Variants in AKAP6 observed in about 807,000 individuals in gnomAD.
AKAP6 encodes the protein A-kinase anchoring protein 6.
Under a neutral mutation model 188.5 loss-of-function variants are expected in AKAP6, and 58 were observed. The ratio of observed to expected loss-of-function variants is 0.31; its 90% confidence interval spans 0.25 to 0.38. The LOEUF is 0.38. AKAP6 is among the 10% of genes least tolerant of loss of function. AKAP6 has a pLI of 1.00. For synonymous variants in AKAP6, 989 were observed against 998.6 expected, an observed-to-expected ratio of 0.99 and a Z score of 0.18; for missense variants, 2,710 against 2,740.0, an observed-to-expected ratio of 0.99 and a Z score of 0.24.
chr14:32,678,780 C>T (rs1475123550), intron 8 of AKAP6, among the ~76,000 whole-genome samples: 1 of 152,086 alleles, frequency 6.6e-6, no homozygotes, highest in Non-Finnish European at 1.5e-5. Context: ...TGTATTTGCT[C>T]TTTTTTAGGT....
chr14:32,533,860 C>T (rs1882547942), intron 2 of AKAP6, among the ~76,000 whole-genome samples: 1 of 152,064 alleles, frequency 6.6e-6, no homozygotes, highest in Non-Finnish European at 1.5e-5. Flanking sequence ...AGATTTTTTG[C>T]CCTAAATTTC....
chr14:32,342,208 T>G (rs1886911908), intron 1 of AKAP6, among the ~76,000 whole-genome samples: 1 of 152,234 alleles, frequency 6.6e-6, no homozygotes, highest in Admixed American at 6.5e-5. Context: ...TTCAGACTTG[T>G]ATTTCTCCTG....
intron 8 of AKAP6, 90 bp downstream of exon 8, chr14:32,678,549 T>C: frequency 1.4e-6 from 2 of 1,464,380 alleles, no homozygotes; most frequent in South Asian, 2.5e-5. Flanking sequence ...GTATTTCCTC[T>C]TTAGCAAACC....
intron 1 of AKAP6, among the ~76,000 whole-genome samples, chr14:32,336,911 T>C (rs1443644486): frequency 6.6e-6 from 1 of 152,222 alleles, no homozygotes; most frequent in Admixed American, 6.5e-5. Flanking sequence ...TTATTCCTAT[T>C]ACATTAGCAT....
intron 1 of AKAP6, among the ~76,000 whole-genome samples, chr14:32,415,451 A>T (rs931758969): frequency 3.9e-5 from 6 of 152,204 alleles, no homozygotes; most frequent in African/African-American, 1.4e-4. Context: ...TTATCTATCC[A>T]TACTTACATT....
intron 1 of AKAP6, among the ~76,000 whole-genome samples, chr14:32,331,854 G>A (rs527801624): frequency 1.4e-4 from 22 of 152,194 alleles, no homozygotes; most frequent in Non-Finnish European, 2.9e-4. Context: ...AGCCTCACAA[G>A]AAGTTAATGT....
rs143978976 is a variant in AKAP6, at chr14:32,674,084, G to A, written c.2731-4227G>A. 3.3e-3 allele frequency among the ~76,000 whole-genome samples: 501 copies of A among 152,310 alleles called. 1 individual carries two copies. Among genetic ancestry groups the A allele is most frequent in the African/African-American group, 0.011 (457 of 41,574 alleles). On this transcript the variant is annotated intron_variant, in intron 7 of 13. Coordinates refer to ENST00000280979, the MANE Select transcript of AKAP6 (RefSeq NM_004274.5). ...TGGAAAGATGAGAAGACATTAGCAA[G>A]ACAATGTTCCAGTGAAAGGGAACAA...
At chr14:32,594,780 T>C (rs1352965649) in intron 5 of AKAP6, among the ~76,000 whole-genome samples, 6 of 152,216 alleles carry the variant, frequency 3.9e-5, no homozygotes. Flanking sequence ...GTTTTCATTT[T>C]CTTAGGGTAG....
At chr14:32,735,602 T>C in intron 10 of AKAP6, 56 bp from the exon 11 acceptor site, 1 of 1,321,734 alleles carries the variant, frequency 7.6e-7, no homozygotes. Context: ...TTGTTGTTCG[T>C]GGGGTTTTTT....
intron 11 of AKAP6, among the ~76,000 whole-genome samples, chr14:32,745,838 A>G (rs1396905667): frequency 6.6e-6 from 1 of 152,112 alleles, no homozygotes; most frequent in African/African-American, 2.4e-5. Flanking sequence ...TTAGAAGTCT[A>G]CCAGGTGTTC....
intron 12 of AKAP6, among the ~76,000 whole-genome samples, chr14:32,810,538 T>C (rs1474347968): frequency 6.6e-6 from 1 of 152,134 alleles, no homozygotes; most frequent in African/African-American, 2.4e-5. Context: ...TTTTAACGTG[T>C]CTAGGGACTC....
chr14:32,348,780 G>T (rs1210818314), intron 1 of AKAP6, among the ~76,000 whole-genome samples: 1 of 152,068 alleles, frequency 6.6e-6, no homozygotes, highest in African/African-American at 2.4e-5. Flanking sequence ...CTAAACCAGG[G>T]TGCTTTTTCC....
chr14:32,704,527 C>T (rs1390823145), intron 9 of AKAP6, among the ~76,000 whole-genome samples: 1 of 152,114 alleles, frequency 6.6e-6, no homozygotes, highest in Non-Finnish European at 1.5e-5. Context: ...ATAGCAGTGA[C>T]CCTCACCTAC....
At chr14:32,681,446 G>A (rs567588903) in intron 8 of AKAP6, among the ~76,000 whole-genome samples, 28 of 152,204 alleles carry the variant, frequency 1.8e-4, no homozygotes, top group African/African-American at 6.7e-4. Context: ...AATCTATAAA[G>A]TCACTCTTTG....
intron 11 of AKAP6, 78 bp from the exon 12 acceptor site, chr14:32,773,600 T>C (rs1267070037): frequency 3.0e-6 from 4 of 1,317,200 alleles, no homozygotes; most frequent in African/African-American, 1.5e-5. Flanking sequence ...TTTGAAATTA[T>C]GATGGAAGAA....
At chr14:32,412,821 C>G (rs1157739537) in intron 1 of AKAP6, among the ~76,000 whole-genome samples, 1 of 152,174 alleles carries the variant, frequency 6.6e-6, no homozygotes, top group Non-Finnish European at 1.5e-5. Flanking sequence ...TATCAGCAAC[C>G]TGCCTTGGTC....
At chr14:32,379,686 T>C (rs1409293163) in intron 1 of AKAP6, among the ~76,000 whole-genome samples, 2 of 152,136 alleles carry the variant, frequency 1.3e-5, no homozygotes, top group East Asian at 1.9e-4. Context: ...TCTGACTGGA[T>C]CTTGACCTGG....
At chr14:32,452,864 T>C (rs553406617) in intron 2 of AKAP6, among the ~76,000 whole-genome samples, 1 of 152,350 alleles carries the variant, frequency 6.6e-6, no homozygotes, top group African/African-American at 2.4e-5. Flanking sequence ...CCATTTACCT[T>C]ACTAGGTAGC....
chr14:32,727,973 G>C lies in AKAP6; in HGVS notation c.3001-4481G>C, dbSNP rs547408648. Among the ~76,000 whole-genome samples, 13 of 152,266 alleles carry C rather than the reference G, an allele frequency of 8.5e-5. No individual in the cohort carries two copies. In the South Asian group the frequency reaches 2.5e-3, roughly 29 times the overall value. ...GCTACACACAAGTCTTCTGAAAAGC[G>C]GGGCAGCACAAGAGCTGCTGCACAG... On this transcript the variant is annotated intron_variant, in intron 9 of 13. Coordinates refer to ENST00000280979, the MANE Select transcript of AKAP6 (RefSeq NM_004274.5).
Sources: allele counts gnomAD v4.1 joint callset (sites outside exome capture counted in the v4.1 genomes callset), GRCh38; gene constraint gnomAD v4.1.1; transcripts MANE v1.5; gene names NCBI Gene and HGNC (gene_info 2026-07-23, HGNC 2026-07-21).